ZBTB25: variants seen among roughly 807,000 people sequenced by gnomAD.
ZBTB25 encodes zinc finger and BTB domain-containing protein 25.
Under a neutral mutation model 34.2 loss-of-function variants are expected in ZBTB25, and 20 were observed. The ratio of observed to expected loss-of-function variants is 0.58; its 90% CI spans 0.41 to 0.85. The LOEUF (loss-of-function observed/expected upper bound fraction) is 0.85. Among genes scored for constraint, ZBTB25 ranks in the 40% least tolerant of loss-of-function variants. The probability of loss-of-function intolerance (pLI) is 0.00; values close to 1 mark genes in which losing one functional copy is unlikely to be tolerated. For missense variants in ZBTB25, 437 were observed against 521.8 expected (o/e 0.84, Z 1.58); for synonymous variants, 175 against 186.4 (o/e 0.94, Z 0.50).
chr14:64,476,511 C>T (rs1194236518), downstream of ZBTB25, among the ~76,000 whole-genome samples: 5 of 152,056 alleles, frequency 3.3e-5, no homozygotes, highest in African/African-American at 7.2e-5. Context: ...TTAGGAAAGA[C>T]GGGGTTTCAC....
upstream of ZBTB25, chr14:64,504,969 G>C: frequency 2.5e-6 from 1 of 394,432 alleles, no homozygotes; most frequent in East Asian, 3.6e-5. Context: ...CAGTTGTGGG[G>C]CTATTTGCGC....
chr14:64,503,004 GA>G (rs2079547635), intron 1 of ZBTB25: 1 of 985,330 alleles, frequency 1.0e-6, no homozygotes, highest in South Asian at 4.7e-5. Context: ...GCTAACTGTT[GA>G]AACATGCTAG....
At chr14:64,471,479 C>G (rs2078671036) in intron 2 of ZBTB25, 1 of 166,934 alleles carries the variant, frequency 6.0e-6, no homozygotes, top group African/African-American at 2.4e-5. Context: ...TCCAGATATA[C>G]TTTACAAAAA....
intron 2 of ZBTB25, chr14:64,459,668 A>G (rs974977391): frequency 1.8e-6 from 2 of 1,111,212 alleles, no homozygotes; most frequent in South Asian, 1.6e-5. Context: ...AGCTTTGGCA[A>G]TGTGAGTGGG....
chr14:64,504,183 G>C (rs760621197), upstream of ZBTB25: 1 of 152,588 alleles, frequency 6.6e-6, no homozygotes, highest in Non-Finnish European at 1.5e-5. Context: ...CCTGGGTGGA[G>C]AGGCGGACTG....
intron 2 of ZBTB25, chr14:64,469,404 C>T: frequency 6.2e-7 from 1 of 1,613,832 alleles, no homozygotes; most frequent in South Asian, 1.1e-5. Context: ...AGAATGGAGC[C>T]AATTGCTATT....
Position 64,486,565 on chromosome 14 carries a change from G to A in ZBTB25, c.*358C>T. ...AGGCAGAAGTGATAGTTTAGAATAT[G>A]CTTTAAAACAGATTTCATTTACTTT... is the stretch of plus-strand genomic sequence containing the variant. On this transcript the variant is annotated 3_prime_UTR_variant, in exon 3 of 3. Coordinates refer to ENST00000608382, the MANE Select transcript of ZBTB25 (RefSeq NM_006977.5). 1 of 943,286 alleles carries A rather than the reference G, an allele frequency of 1.1e-6. No individual in the cohort carries two copies. Among genetic ancestry groups the A allele is most frequent in the South Asian group, 4.8e-5 (1 of 20,710 alleles). The allele number at this position is 943,286 out of a possible 1,614,324, so 58.4% of individuals were successfully genotyped here.
intron 2 of ZBTB25, among the ~76,000 whole-genome samples, chr14:64,465,308 G>C (rs980704542): frequency 6.6e-6 from 1 of 151,844 alleles, no homozygotes; most frequent in Non-Finnish European, 1.5e-5. Flanking sequence ...ATTGGCGCCC[G>C]GGCGGAGCAC....
At chr14:64,469,273 C>T (rs753619180) in intron 2 of ZBTB25, 2 of 1,613,322 alleles carry the variant, frequency 1.2e-6, no homozygotes, top group Non-Finnish European at 1.7e-6. Context: ...ATGGAAAAGA[C>T]TATGAAAGTA....
chr14:64,487,274 A>T lies in ZBTB25; in HGVS notation c.957T>A (p.Pro319=). The change falls in exon 3 of 3, where the codon CCT becomes CCA. Residue 319 remains proline (P), a synonymous_variant. Transcript: ENST00000608382. ...PDHTNRGTTE[P]LQISQVSLIS... is the part of the protein sequence containing the mutation. ...TCAAAGATACTTGACTGATCTGCAA[A>T]GGCTCTGTGGTACCCCGGTTGGTGT... The T allele has an allele frequency of 6.2e-7, 1 of 1,614,008 alleles. No homozygotes were observed. Among genetic ancestry groups the T allele is most frequent in the Non-Finnish European group, 8.5e-7 (1 of 1,180,026 alleles).
intron 2 of ZBTB25, among the ~76,000 whole-genome samples, chr14:64,464,516 G>A (rs1401816386): frequency 1.3e-5 from 2 of 151,974 alleles, no homozygotes; most frequent in East Asian, 1.9e-4. Flanking sequence ...AAACATTTCC[G>A]GAAAAAATAC....
intron 2 of ZBTB25, chr14:64,472,588 T>G (rs2078684867): frequency 6.0e-6 from 1 of 166,996 alleles, no homozygotes; most frequent in African/African-American, 2.4e-5. Flanking sequence ...GAGGTTTCTG[T>G]TTTTCTATTG....
chr14:64,469,488 C>G, intron 2 of ZBTB25: 1 of 1,613,078 alleles, frequency 6.2e-7, no homozygotes, highest in Non-Finnish European at 8.5e-7. Context: ...TTCTTAATTT[C>G]AGCTGAAAAT....
chr14:64,454,751 C>T (rs1317614457), intron 2 of ZBTB25: 1 of 1,613,802 alleles, frequency 6.2e-7, no homozygotes, highest in Non-Finnish European at 8.5e-7. Flanking sequence ...ATCTGCATGG[C>T]TAAAACACAC....
At chr14:64,466,424 CA>C (rs1234848462) in intron 2 of ZBTB25, among the ~76,000 whole-genome samples, 5 of 152,322 alleles carry the variant, frequency 3.3e-5, no homozygotes, top group African/African-American at 1.2e-4. Flanking sequence ...GACTCCTAAA[CA>C]TCTCATTTCA....
At chr14:64,456,788 G>A (rs1336710187) in intron 2 of ZBTB25, among the ~76,000 whole-genome samples, 31 of 152,202 alleles carry the variant, frequency 2.0e-4, no homozygotes, top group Non-Finnish European at 1.5e-5. Context: ...TTGGTACTCA[G>A]AAGTCAGTCA....
At position 64,487,137 on chromosome 14, in the gene ZBTB25, A is replaced by G. The variant is rs149977272; in HGVS notation, c.1094T>C (p.Leu365Ser). Reference sequence around the variant, plus strand: ...ACCTTTGTGTGTATACATGTGTTCCAACAATTGGCTCTTTCGAGGGAATTT... The same window carrying G: ...ACCTTTGTGTGTATACATGTGTTCCGACAATTGGCTCTTTCGAGGGAATTT... Reference protein sequence around the residue: ...GHKFPRKSQLLEHMYTHKGKS... With the variant: ...GHKFPRKSQLSEHMYTHKGKS... Residue 365 changes from leucine to serine, a missense_variant, in exon 3 of 3, where the codon TTG (leucine) becomes TCG (serine). Physicochemically the swap from Leu to Ser is moderately radical, Grantham distance 145. Coordinates refer to ENST00000608382, the MANE Select transcript of ZBTB25 (RefSeq NM_006977.5). 8.7e-6 allele frequency: 14 copies of G among 1,614,158 alleles called. No homozygotes were observed. The African/African-American group carries it at 1.9e-4, about 22-fold the overall frequency.
rs758422094 is a variant in ZBTB25 at position 64,458,326 on chromosome 14, A to G, written c.174-8688T>C. On this transcript the variant is annotated intron_variant, in intron 2 of 2. Coordinates refer to the ZBTB25 transcript ENST00000555220. ...TAAACAGGTAAGTTGTTACTGGGTA[A>G]TAATTTGGCTTTTTTCCTCATGTAG... is the stretch of plus-strand genomic sequence containing the variant. 1 of 1,565,782 alleles carries G rather than the reference A, an allele frequency of 6.4e-7. No individual in the cohort carries two copies.
chr14:64,460,034 T>C (rs760580172), intron 2 of ZBTB25: 29 of 984,780 alleles, frequency 2.9e-5, no homozygotes, highest in Non-Finnish European at 4.2e-5. Context: ...AATTACAGCC[T>C]TAACAGACTG....
Sources: allele counts gnomAD v4.1 joint callset (sites outside exome capture counted in the v4.1 genomes callset), GRCh38; gene constraint gnomAD v4.1.1; transcripts MANE v1.5; gene names NCBI Gene and HGNC (gene_info 2026-07-23, HGNC 2026-07-21).